Variants in LIPI observed in about 807,000 individuals in gnomAD.
The protein encoded by LIPI is lipase member I.
A neutral mutation model predicts 50.6 loss-of-function variants in LIPI; 59 were observed. That is an observed-to-expected ratio of 1.16 (90% CI 0.94 to 1.45). LIPI has a LOEUF of 1.45. Ranked by LOEUF, LIPI falls within the 40% of genes most tolerant of loss-of-function variation. The probability of loss-of-function intolerance (pLI) is 0.00; values close to 1 mark genes in which losing one functional copy is unlikely to be tolerated. For synonymous variants in LIPI, 203 were observed against 178.2 expected, an observed-to-expected ratio of 1.14 and a Z score of -1.11; for missense variants, 586 against 536.3, an observed-to-expected ratio of 1.09 and a Z score of -0.92.
intron 4 of LIPI, among the ~76,000 whole-genome samples, chr21:14,175,950 G>A (rs866069249): frequency 2.0e-5 from 3 of 152,156 alleles, no homozygotes; most frequent in South Asian, 2.1e-4. Context: ...AGGCCGAGGC[G>A]GGCGGATCAC....
At chr21:14,176,771 ATATT>A (rs1331277314) in intron 4 of LIPI, among the ~76,000 whole-genome samples, 1 of 142,144 alleles carries the variant, frequency 7.0e-6, no homozygotes, top group African/African-American at 2.6e-5. Flanking sequence ...AGCTCTGATT[ATATT>A]TATTTATTTA....
intron 4 of LIPI, among the ~76,000 whole-genome samples, chr21:14,175,918 T>C (rs1010268408): frequency 2.6e-5 from 4 of 152,010 alleles, no homozygotes; most frequent in Non-Finnish European, 4.4e-5. Flanking sequence ...GTGGCTCAAG[T>C]CTGTAATCCC....
At chr21:14,170,104 G>C (rs893773634) in intron 4 of LIPI, among the ~76,000 whole-genome samples, 6 of 152,172 alleles carry the variant, frequency 3.9e-5, no homozygotes, top group East Asian at 3.8e-4. Context: ...AAATAAACTA[G>C]AAAATCTAGA....
intron 9 of LIPI, chr21:14,143,641 A>G (rs1035397308): frequency 3.9e-5 from 6 of 152,146 alleles, no homozygotes; most frequent in African/African-American, 1.4e-4. Context: ...AGCAACCTAC[A>G]CAACCATTTC....
chr21:14,115,835 C>T (rs1426709521), intron 9 of LIPI, among the ~76,000 whole-genome samples: 1 of 152,110 alleles, frequency 6.6e-6, no homozygotes, highest in East Asian at 1.9e-4. Context: ...CAGGGAACGA[C>T]CACTTATCCA....
chr21:14,191,334 G>A (rs1312044790), intron 1 of LIPI, among the ~76,000 whole-genome samples: 5 of 141,722 alleles, frequency 3.5e-5, no homozygotes, highest in African/African-American at 1.3e-4. Context: ...CCGAGATCCC[G>A]CCACTGCACT....
At chr21:14,161,762 ATTAT>A (rs1222478648) in intron 7 of LIPI, among the ~76,000 whole-genome samples, 1,583 of 66,658 alleles carry the variant, frequency 0.024, 150 homozygotes, top group Middle Eastern at 0.054. Context: ...TAATATATAC[ATTAT>A]TATATATTAA....
At chr21:14,135,612 C>A (rs1193756779) in intron 9 of LIPI, among the ~76,000 whole-genome samples, 2 of 152,144 alleles carry the variant, frequency 1.3e-5, no homozygotes, top group Admixed American at 1.3e-4. Context: ...GTATTTAAAC[C>A]AGGCCTTGCC....
intron 9 of LIPI, among the ~76,000 whole-genome samples, chr21:14,134,892 G>A (rs192701109): frequency 6.6e-6 from 1 of 151,924 alleles, no homozygotes; most frequent in Non-Finnish European, 1.5e-5. Flanking sequence ...AAGAATATAT[G>A]GTCAAATCCT....
At chr21:14,153,353 C>T (rs1366532611) in intron 7 of LIPI, among the ~76,000 whole-genome samples, 1 of 152,170 alleles carries the variant, frequency 6.6e-6, no homozygotes, top group Non-Finnish European at 1.5e-5. Context: ...CCATTTCTGA[C>T]ACAAGAGGTA....
At chr21:14,172,132 G>A (rs1397858373) in intron 4 of LIPI, among the ~76,000 whole-genome samples, 1 of 151,904 alleles carries the variant, frequency 6.6e-6, no homozygotes, top group East Asian at 1.9e-4. Flanking sequence ...ACCATCACTG[G>A]CCATCAGAGA....
At chr21:14,165,953 A>C (rs1293106812) in intron 5 of LIPI, among the ~76,000 whole-genome samples, 1 of 152,166 alleles carries the variant, frequency 6.6e-6, no homozygotes, top group Non-Finnish European at 1.5e-5. Flanking sequence ...TTGCTCAGCT[A>C]TCTTTATGTA....
At chr21:14,151,631 G>T (rs2018094232) in intron 8 of LIPI, among the ~76,000 whole-genome samples, 1 of 152,068 alleles carries the variant, frequency 6.6e-6, no homozygotes, top group South Asian at 2.1e-4. Context: ...AGCACAGCAG[G>T]TTGGAAACCA....
intron 9 of LIPI, chr21:14,144,421 G>T (rs1436711871): frequency 4.8e-6 from 2 of 416,310 alleles, no homozygotes; most frequent in Non-Finnish European, 4.3e-6. Context: ...TCTTTGATTA[G>T]ACAATGAGAT....
chr21:14,161,064 A>T (rs1158266882), intron 7 of LIPI, among the ~76,000 whole-genome samples: 5 of 151,428 alleles, frequency 3.3e-5, no homozygotes, highest in Non-Finnish European at 7.4e-5. Flanking sequence ...AAAATGTTAA[A>T]TTTTTTCAAA....
intron 7 of LIPI, among the ~76,000 whole-genome samples, chr21:14,158,905 C>T (rs1177743954): frequency 1.3e-5 from 2 of 150,958 alleles, no homozygotes; most frequent in Non-Finnish European, 3.0e-5. Context: ...ACCAATTCCC[C>T]AAAAACCACA....
chr21:14,120,393 A>C (rs1432283755), intron 9 of LIPI, among the ~76,000 whole-genome samples: 1 of 152,236 alleles, frequency 6.6e-6, no homozygotes, highest in African/African-American at 2.4e-5. Flanking sequence ...TGCTTTTGCC[A>C]CCTTGCATGC....
chr21:14,199,441 C>A (rs2019973950), intron 1 of LIPI, among the ~76,000 whole-genome samples: 1 of 151,816 alleles, frequency 6.6e-6, no homozygotes, highest in Admixed American at 6.6e-5. Context: ...ACACAACCAC[C>A]AGAGAATATT....
intron 1 of LIPI, among the ~76,000 whole-genome samples, chr21:14,201,263 G>A (rs372619710): frequency 2.0e-5 from 3 of 152,152 alleles, no homozygotes; most frequent in East Asian, 3.9e-4. Flanking sequence ...TAACAAGTGG[G>A]ATCTAATTAA....
Sources: allele counts gnomAD v4.1 joint callset (sites outside exome capture counted in the v4.1 genomes callset), GRCh38; gene constraint gnomAD v4.1.1; transcripts MANE v1.5; gene names NCBI Gene and HGNC (gene_info 2026-07-23, HGNC 2026-07-21).